The following FNIP2 variants were observed in gnomAD, a reference collection of about 807,000 sequenced individuals.
FNIP2 encodes the protein folliculin-interacting protein 2.
FNIP2 carries 32 observed loss-of-function variants against 108.7 expected under a neutral mutation model. The observed-to-expected ratio is 0.29, with a 90% CI of 0.22 to 0.40. The LOEUF (loss-of-function observed/expected upper bound fraction) is 0.40. Among genes scored for constraint, FNIP2 ranks in the 10% least tolerant of loss-of-function variants. The pLI is 1.00. For missense variants in FNIP2, 1,202 were observed against 1,381.6 expected, an observed-to-expected ratio of 0.87 and a Z score of 2.06; for synonymous variants, 480 against 496.7, an observed-to-expected ratio of 0.97 and a Z score of 0.45.
chr4:158,848,884 A>G (rs1467418507), intron 7 of FNIP2, among the ~76,000 whole-genome samples: 1 of 152,212 alleles, frequency 6.6e-6, no homozygotes, highest in Non-Finnish European at 1.5e-5. Flanking sequence ...GAGATACCCA[A>G]AGACCCAAGG....
chr4:158,800,055 A>G (rs1468904411), intron 1 of FNIP2, among the ~76,000 whole-genome samples: 1 of 152,156 alleles, frequency 6.6e-6, no homozygotes, highest in African/African-American at 2.4e-5. Flanking sequence ...AAGTTTAGAT[A>G]TGAAGTAGTT....
intron 14 of FNIP2, among the ~76,000 whole-genome samples, chr4:158,884,650 T>C (rs570469680): frequency 6.6e-6 from 1 of 152,300 alleles, no homozygotes; most frequent in South Asian, 2.1e-4. Context: ...AGTCCCACTT[T>C]CACACAACTG....
Position 158,869,227 on chromosome 4 carries a change from T to C in FNIP2, c.2591T>C (p.Leu864Pro), listed in dbSNP as rs766212503. The C allele has an allele frequency of 6.2e-7, 1 of 1,614,028 alleles. No homozygotes were observed. Among genetic ancestry groups the C allele is most frequent in the Non-Finnish European group, 8.5e-7 (1 of 1,179,896 alleles). Residue 864 changes from leucine to proline, a missense_variant, in exon 13 of 17, where the codon CTC becomes CCC. By Grantham distance (98) the Leu-to-Pro change is moderately conservative. Around this residue, in one of 5 missense-constraint regions of FNIP2, gnomAD observed 878 missense variants for 990.3 expected, o/e 0.89. Coordinates refer to ENST00000264433, the MANE Select transcript of FNIP2 (RefSeq NM_020840.3). ...AGGTGTGTCCAGCGGGGCCCTGGCC[T>C]CGTGGCTGGTGCGAATATCCCCTGT... Reference protein sequence around the residue: ...APRCVQRGPGLVAGANIPCGD... With the variant: ...APRCVQRGPGPVAGANIPCGD...
At chr4:158,803,750 A>T (rs1013429613) in intron 1 of FNIP2, among the ~76,000 whole-genome samples, 19 of 152,202 alleles carry the variant, frequency 1.2e-4, no homozygotes, top group Admixed American at 3.3e-4. Context: ...TTAAGATATC[A>T]TGTTGGTCTC....
intron 14 of FNIP2, among the ~76,000 whole-genome samples, chr4:158,882,077 A>G (rs957395187): frequency 6.9e-6 from 1 of 145,706 alleles, no homozygotes; most frequent in African/African-American, 2.6e-5. Flanking sequence ...CCCCACCGCA[A>G]CCCTGTCTGG....
At chr4:158,792,659 G>A (rs1054052588) in intron 1 of FNIP2, among the ~76,000 whole-genome samples, 20 of 152,178 alleles carry the variant, frequency 1.3e-4, no homozygotes, top group African/African-American at 4.3e-4. Flanking sequence ...GTAATCAGCG[G>A]CTTTCAGGAA....
intron 2 of FNIP2, among the ~76,000 whole-genome samples, 171 bp downstream of exon 2, chr4:158,826,213 A>G (rs1460473796): frequency 6.6e-6 from 1 of 152,198 alleles, no homozygotes; most frequent in Non-Finnish European, 1.5e-5. Context: ...CCTACCCCCA[A>G]CAGGCATGAG....
chr4:158,815,875 T>C (rs1199810127), intron 1 of FNIP2, among the ~76,000 whole-genome samples: 2 of 152,204 alleles, frequency 1.3e-5, no homozygotes, highest in African/African-American at 2.4e-5. Context: ...CATACTTACC[T>C]AAGGAGCTTC....
chr4:158,781,866 G>C (rs576175316), intron 1 of FNIP2, among the ~76,000 whole-genome samples: 11 of 152,020 alleles, frequency 7.2e-5, no homozygotes, highest in South Asian at 2.1e-4. Context: ...TTACAATGTG[G>C]GGCACATTAT....
chr4:158,843,879 C>T (rs1779258790), intron 7 of FNIP2, among the ~76,000 whole-genome samples: 1 of 152,176 alleles, frequency 6.6e-6, no homozygotes, highest in Admixed American at 6.5e-5. Flanking sequence ...TAGATGTCTC[C>T]TTGCAAATGA....
rs1310591450 is a variant in FNIP2, at chr4:158,808,272, A to G, written c.108-17644A>G. 5.9e-5 allele frequency among the ~76,000 whole-genome samples: 9 copies of G among 152,360 alleles called. No homozygotes were observed. The South Asian group carries it at 1.7e-3, about 28-fold the overall frequency. On this transcript the variant is annotated intron_variant, in intron 1 of 16. Transcript: ENST00000264433. ...GGATTGAATGTCCATGTAAGGACAT[A>G]ATATGCAGGGCCAATTTTTTAAAAA...
chr4:158,810,094 C>T (rs1777190584), intron 1 of FNIP2, among the ~76,000 whole-genome samples: 1 of 152,108 alleles, frequency 6.6e-6, no homozygotes, highest in African/African-American at 2.4e-5. Context: ...GAGAGATATG[C>T]TAAGGCAACA....
chr4:158,858,206 G>T (rs1423881334), intron 8 of FNIP2, among the ~76,000 whole-genome samples: 3 of 152,196 alleles, frequency 2.0e-5, no homozygotes, highest in Non-Finnish European at 4.4e-5. Context: ...GAGACTAGAT[G>T]ATGGAGTTAG....
At chr4:158,883,598 C>G (rs747763436) in intron 14 of FNIP2, among the ~76,000 whole-genome samples, 23 of 152,212 alleles carry the variant, frequency 1.5e-4, no homozygotes, top group Non-Finnish European at 4.4e-5. Flanking sequence ...TAAACCCACA[C>G]TGTTATAACT....
chr4:158,815,615 C>T (rs772787428), intron 1 of FNIP2, among the ~76,000 whole-genome samples: 2 of 152,084 alleles, frequency 1.3e-5, no homozygotes, highest in African/African-American at 2.4e-5. Context: ...CCGCCAGCCT[C>T]GGCCTCCCAA....
chr4:158,866,748 TG>T (rs777765665), intron 12 of FNIP2, among the ~76,000 whole-genome samples: 23 of 151,998 alleles, frequency 1.5e-4, no homozygotes, highest in Admixed American at 5.2e-4. Flanking sequence ...GCTAATTTTT[TG>T]TATTTTTGGC....
intron 8 of FNIP2, among the ~76,000 whole-genome samples, chr4:158,852,671 A>G (rs771498690): frequency 2.0e-5 from 3 of 152,182 alleles, no homozygotes; most frequent in Admixed American, 6.5e-5. Flanking sequence ...AATGTGGCCA[A>G]TGTGAATTAT....
intron 1 of FNIP2, among the ~76,000 whole-genome samples, chr4:158,787,880 T>C (rs1434786750): frequency 5.9e-5 from 9 of 152,194 alleles, no homozygotes; most frequent in African/African-American, 2.2e-4. Context: ...AAAGCGAATT[T>C]GTCTCAGTTC....
At chr4:158,843,438 GACATTTTTTTC>G (rs1779232698) in intron 7 of FNIP2, among the ~76,000 whole-genome samples, 1 of 152,168 alleles carries the variant, frequency 6.6e-6, no homozygotes, top group African/African-American at 2.4e-5. Flanking sequence ...TCATGTGGCG[GACATTTTTTTC>G]TAGGATATGA....
Sources: allele counts gnomAD v4.1 joint callset (sites outside exome capture counted in the v4.1 genomes callset), GRCh38; gene constraint gnomAD v4.1.1; regional missense constraint gnomAD v4.1.1; transcripts MANE v1.5; gene names NCBI Gene and HGNC (gene_info 2026-07-23, HGNC 2026-07-21).